NAT1: variants seen among roughly 807,000 people sequenced by gnomAD.
The protein encoded by NAT1 is arylamine N-acetyltransferase 1.
For synonymous variants in NAT1, 144 were observed against 122.6 expected (o/e 1.17, Z -1.16); for missense variants, 400 against 339.2 (o/e 1.18, Z -1.41).
chr8:18,222,758 C>T lies in NAT1; in HGVS notation c.711C>T (p.Phe237=), dbSNP rs1486928817. 4 of 1,613,728 alleles carry T rather than the reference C, an allele frequency of 2.5e-6. No individual in the cohort carries two copies. Among genetic ancestry groups the T allele is most frequent in the African/African-American group, 1.3e-5 (1 of 75,010 alleles). Residue 237 remains phenylalanine (F), a synonymous_variant, in exon 3 of 3, where the codon TTC becomes TTT. Transcript: ENST00000307719. The part of the protein sequence containing the change: ...TPDGVHCLVG[F]TLTHRRFNYK... ...ATGGGGTTCACTGTTTGGTGGGCTTCACCCTCACCCATAGGAGATTCAATT... is the reference window on the plus strand; with the variant it reads ...ATGGGGTTCACTGTTTGGTGGGCTTTACCCTCACCCATAGGAGATTCAATT...
chr8:18,195,500 T>A (rs1444335139), intron 2 of NAT1, among the ~76,000 whole-genome samples: 1 of 152,174 alleles, frequency 6.6e-6, no homozygotes, highest in Non-Finnish European at 1.5e-5. Flanking sequence ...CGTGCTGCCC[T>A]TGGTGGAAGT....
chr8:18,210,731 AAGATTGAAT>A (rs1470808663), intron 1 of NAT1, among the ~76,000 whole-genome samples: 2 of 152,188 alleles, frequency 1.3e-5, no homozygotes, highest in African/African-American at 4.8e-5. Flanking sequence ...GATGTCCAGG[AAGATTGAAT>A]TCTGTTGTTT....
upstream of NAT1, among the ~76,000 whole-genome samples, chr8:18,207,482 G>A (rs1348629741): frequency 1.3e-5 from 2 of 152,118 alleles, no homozygotes; most frequent in African/African-American, 4.8e-5. Flanking sequence ...GGGCAGTATG[G>A]CCATTTTCAC....
upstream of NAT1, among the ~76,000 whole-genome samples, chr8:18,207,452 T>A (rs1046397679): frequency 3.3e-5 from 5 of 152,196 alleles, no homozygotes; most frequent in Non-Finnish European, 7.3e-5. Flanking sequence ...GAGAATAGCA[T>A]AGAAATTATA....
intron 2 of NAT1, among the ~76,000 whole-genome samples, chr8:18,178,930 C>T (rs1431565342): frequency 6.6e-6 from 1 of 152,148 alleles, no homozygotes; most frequent in Non-Finnish European, 1.5e-5. Context: ...CCTCACTAAA[C>T]AACAAGTGTT....
Position 18,222,654 on chromosome 8 carries a change from G to C in NAT1, c.607G>C (p.Glu203Gln), listed in dbSNP as rs1428225257. 6.2e-7 allele frequency: 1 copy of C among 1,613,486 alleles called. No homozygotes were observed. The highest frequency in any genetic ancestry group is 8.5e-7 in the Non-Finnish European group (1 of 1,179,830). The change falls in exon 3 of 3, where the codon GAG (glutamate) becomes CAG (glutamine). Residue 203 changes from glutamate (E) to glutamine (Q), a missense_variant. Glu to Gln is a conservative substitution (Grantham distance 29, BLOSUM62 2). Coordinates refer to ENST00000307719, the MANE Select transcript of NAT1 (RefSeq NM_000662.8). ...TAAGCCTCGAACAATTGAAGATTTT[G>C]AGTCTATGAATACATACCTGCAGAC... ...TLKPRTIEDF[E>Q]SMNTYLQTSP...
chr8:18,191,565 G>A (rs1802991881), intron 2 of NAT1, among the ~76,000 whole-genome samples: 1 of 151,886 alleles, frequency 6.6e-6, no homozygotes, highest in Non-Finnish European at 1.5e-5. Context: ...CAAAGCTGGA[G>A]GCATCACGCT....
chr8:18,196,144 C>A (rs1383255950), intron 2 of NAT1, among the ~76,000 whole-genome samples: 4 of 151,874 alleles, frequency 2.6e-5, no homozygotes, highest in South Asian at 4.2e-4. Context: ...GAGACAAGGT[C>A]TCACTATGTT....
At chr8:18,199,309 C>T (rs1803366453) in intron 2 of NAT1, among the ~76,000 whole-genome samples, 1 of 142,900 alleles carries the variant, frequency 7.0e-6, no homozygotes, top group Non-Finnish European at 1.5e-5. Flanking sequence ...ACAAGAAAGA[C>T]TCTGTCTCAA....
At chr8:18,214,540 GA>G (rs1187804537) in intron 1 of NAT1, among the ~76,000 whole-genome samples, 1 of 152,128 alleles carries the variant, frequency 6.6e-6, no homozygotes, top group Non-Finnish European at 1.5e-5. Context: ...CCAGAGGCTT[GA>G]GTAGTTGTCT....
chr8:18,181,362 C>T (rs1802510671), intron 2 of NAT1, among the ~76,000 whole-genome samples: 1 of 152,034 alleles, frequency 6.6e-6, no homozygotes, highest in Non-Finnish European at 1.5e-5. Context: ...ATAACCATGA[C>T]ATTCTTCACA....
intron 2 of NAT1, among the ~76,000 whole-genome samples, chr8:18,220,152 T>C (rs986340341): frequency 3.3e-5 from 5 of 152,174 alleles, no homozygotes; most frequent in African/African-American, 1.2e-4. Context: ...GTTCTCTCTC[T>C]GAGTGGTAGA....
intron 2 of NAT1, among the ~76,000 whole-genome samples, chr8:18,195,082 C>T (rs538975184): frequency 6.6e-6 from 1 of 152,250 alleles, no homozygotes; most frequent in East Asian, 1.9e-4. Flanking sequence ...AAGGAGTTTC[C>T]CCTTGGAGTT....
At chr8:18,216,881 G>T in intron 1 of NAT1, 1 of 1,544,056 alleles carries the variant, frequency 6.5e-7, no homozygotes, top group Non-Finnish European at 8.8e-7. Context: ...CAACAGACGT[G>T]TACAGAAGGG....
intron 2 of NAT1, among the ~76,000 whole-genome samples, chr8:18,186,234 T>G (rs946671833): frequency 6.6e-6 from 1 of 152,200 alleles, no homozygotes; most frequent in Non-Finnish European, 1.5e-5. Context: ...ATTATAGGTT[T>G]GTCTACTTCT....
chr8:18,190,784 G>C (rs1802949802), intron 2 of NAT1, among the ~76,000 whole-genome samples: 1 of 151,922 alleles, frequency 6.6e-6, no homozygotes, highest in Non-Finnish European at 1.5e-5. Context: ...GTAATAAACA[G>C]GGCCAGGCAT....
chr8:18,217,910 C>T (rs1377189751), intron 1 of NAT1, among the ~76,000 whole-genome samples: 1 of 152,100 alleles, frequency 6.6e-6, no homozygotes, highest in Non-Finnish European at 1.5e-5. Context: ...TTTGCGGCTT[C>T]CTGCTATAGA....
At chr8:18,191,573 G>A (rs372079604) in intron 2 of NAT1, among the ~76,000 whole-genome samples, 11 of 151,924 alleles carry the variant, frequency 7.2e-5, no homozygotes, top group East Asian at 5.8e-4. Context: ...GAGGCATCAC[G>A]CTACCTGACT....
At chr8:18,197,863 G>A (rs56752390) in intron 2 of NAT1, among the ~76,000 whole-genome samples, 1,637 of 151,934 alleles carry the variant, frequency 0.011, 36 homozygotes, top group African/African-American at 0.037. Context: ...CTGCTAGAGG[G>A]ATGGGTTCTG....
Sources: gnomAD v4.1 joint callset for allele counts (sites outside exome capture counted in the v4.1 genomes callset) on GRCh38, gnomAD v4.1.1 for gene constraint, MANE v1.5 for transcripts, NCBI Gene and HGNC (gene_info 2026-07-23, HGNC 2026-07-21) for gene names.